Variants in HMGCLL1 observed in about 807,000 individuals in gnomAD.
HMGCLL1 encodes the protein 3-hydroxymethyl-3-methylglutaryl-CoA lyase, cytoplasmic.
Under a neutral mutation model 39.1 loss-of-function variants are expected in HMGCLL1, and 36 were observed. The observed-to-expected ratio is 0.92, with a 90% confidence interval of 0.71 to 1.22. The LOEUF is 1.22. Among genes scored for constraint, HMGCLL1 ranks in the 50% most tolerant of loss-of-function variants. The pLI is 0.00. For synonymous variants in HMGCLL1, 149 were observed against 144.0 expected, an observed-to-expected ratio of 1.03 and a Z score of -0.25; for missense variants, 451 against 416.5, an observed-to-expected ratio of 1.08 and a Z score of -0.72.
At chr6:55,527,517 C>T (rs1768385964) in intron 3 of HMGCLL1, among the ~76,000 whole-genome samples, 1 of 151,994 alleles carries the variant, frequency 6.6e-6, no homozygotes, top group Admixed American at 6.6e-5. Context: ...AGAGATGAAT[C>T]CCCATTTTGT....
At chr6:55,602,194 G>A in the HMGCLL1 span, among the ~76,000 whole-genome samples, 2 of 152,032 alleles carry the variant, frequency 1.3e-5, no homozygotes, top group African/African-American at 2.4e-5. Context: ...GGGAGTAGAG[G>A]TGGCATTCTA....
At chr6:55,545,127 T>A (rs571432108) in intron 1 of HMGCLL1, among the ~76,000 whole-genome samples, 1 of 151,994 alleles carries the variant, frequency 6.6e-6, no homozygotes, top group African/African-American at 2.4e-5. Context: ...TATCACTGAT[T>A]GTTTCTTGAA....
intron 5 of HMGCLL1, among the ~76,000 whole-genome samples, chr6:55,506,779 A>G (rs4275061): frequency 0.68 from 102,250 of 151,394 alleles, 34,565 homozygotes; most frequent in Non-Finnish European, 0.7. Context: ...ACTTGGATAC[A>G]CCAAAAAGAA....
the HMGCLL1 span, among the ~76,000 whole-genome samples, chr6:55,599,873 A>T: frequency 6.6e-6 from 1 of 152,196 alleles, no homozygotes; most frequent in Non-Finnish European, 1.5e-5. Context: ...TGTTTGCTTA[A>T]AGGTAAAGAC....
At chr6:55,639,968 C>A in the HMGCLL1 span, among the ~76,000 whole-genome samples, 3 of 151,958 alleles carry the variant, frequency 2.0e-5, no homozygotes, top group African/African-American at 4.8e-5. Flanking sequence ...ATCCCAGCTA[C>A]CTGGGAGGCT....
At chr6:55,636,314 T>G in the HMGCLL1 span, among the ~76,000 whole-genome samples, 1 of 152,156 alleles carries the variant, frequency 6.6e-6, no homozygotes, top group South Asian at 2.1e-4. Flanking sequence ...ATGTAAACAT[T>G]CAGGTAAAGA....
At chr6:55,622,554 A>G in the HMGCLL1 span, among the ~76,000 whole-genome samples, 5 of 152,122 alleles carry the variant, frequency 3.3e-5, no homozygotes, top group Admixed American at 6.6e-5. Context: ...TCATTCATGT[A>G]TCACATTGAT....
chr6:55,604,436 T>C, the HMGCLL1 span, among the ~76,000 whole-genome samples: 1 of 152,192 alleles, frequency 6.6e-6, no homozygotes, highest in Non-Finnish European at 1.5e-5. Flanking sequence ...TGAATTAACT[T>C]TGTGTTTCTC....
chr6:55,458,041 T>A (rs1764401430), intron 7 of HMGCLL1, among the ~76,000 whole-genome samples: 1 of 152,156 alleles, frequency 6.6e-6, no homozygotes, highest in Admixed American at 6.5e-5. Context: ...TTGAACATAC[T>A]AAACAATAAA....
At chr6:55,628,571 T>A in the HMGCLL1 span, among the ~76,000 whole-genome samples, 1 of 151,914 alleles carries the variant, frequency 6.6e-6, no homozygotes, top group African/African-American at 2.4e-5. Flanking sequence ...CTTTCAGCCC[T>A]TTAAATATGT....
the HMGCLL1 span, among the ~76,000 whole-genome samples, chr6:55,601,494 T>A: frequency 1.3e-5 from 2 of 152,168 alleles, no homozygotes; most frequent in Non-Finnish European, 2.9e-5. Context: ...TGCATTCTAT[T>A]AACCAAAACA....
chr6:55,494,999 C>T (rs1766499063), intron 7 of HMGCLL1, among the ~76,000 whole-genome samples: 1 of 152,156 alleles, frequency 6.6e-6, no homozygotes, highest in Admixed American at 6.5e-5. Context: ...AGCACCAGAT[C>T]TTCCCATCAT....
At chr6:55,528,534 C>A (rs1164918825) in intron 3 of HMGCLL1, among the ~76,000 whole-genome samples, 2 of 151,956 alleles carry the variant, frequency 1.3e-5, no homozygotes, top group African/African-American at 4.8e-5. Context: ...ATCTTAGCCT[C>A]AGTAGCACAG....
chr6:55,599,582 A>G, the HMGCLL1 span, among the ~76,000 whole-genome samples: 5 of 152,200 alleles, frequency 3.3e-5, no homozygotes, highest in Admixed American at 1.3e-4. Context: ...AAGTGCCCAG[A>G]TGAAATCTAC....
intron 7 of HMGCLL1, among the ~76,000 whole-genome samples, chr6:55,456,874 G>A (rs575187222): frequency 5.8e-4 from 88 of 152,234 alleles, no homozygotes; most frequent in South Asian, 5.0e-3. Flanking sequence ...CCTTAACAGT[G>A]AAGCAAACAG....
At chr6:55,516,646 A>G (rs1448994337) in intron 3 of HMGCLL1, 43 bp from the exon 4 acceptor site, 7 of 1,286,000 alleles carry the variant, frequency 5.4e-6, no homozygotes, top group Non-Finnish European at 7.8e-6. Flanking sequence ...AACTTCGAAT[A>G]TGTTACCGAG....
intron 3 of HMGCLL1, among the ~76,000 whole-genome samples, chr6:55,519,524 GTC>G (rs1418793196): frequency 2.6e-5 from 4 of 152,068 alleles, no homozygotes; most frequent in African/African-American, 9.7e-5. Flanking sequence ...CTCTGTCTCT[GTC>G]TCTGTTTTTC....
the HMGCLL1 span, among the ~76,000 whole-genome samples, chr6:55,661,827 T>G: frequency 2.6e-5 from 4 of 152,102 alleles, no homozygotes; most frequent in East Asian, 7.8e-4. Context: ...TTAGTGATAT[T>G]GATTCTTTCT....
intron 5 of HMGCLL1, among the ~76,000 whole-genome samples, chr6:55,510,711 C>T (rs1353931573): frequency 5.3e-5 from 8 of 150,668 alleles, no homozygotes; most frequent in Non-Finnish European, 8.9e-5. Flanking sequence ...TTAATGGGTG[C>T]AGCACACCAG....
Sources: gnomAD v4.1 joint callset for allele counts (sites outside exome capture counted in the v4.1 genomes callset) on GRCh38, gnomAD v4.1.1 for gene constraint, MANE v1.5 for transcripts, NCBI Gene and HGNC (gene_info 2026-07-23, HGNC 2026-07-21) for gene names.